DEPDC1B: variants seen among roughly 807,000 people sequenced by gnomAD.
DEPDC1B encodes the protein DEP domain containing 1B, also known as DEP domain-containing protein 1B.
Under a neutral mutation model 66.5 loss-of-function variants are expected in DEPDC1B, and 51 were observed. The observed-to-expected ratio is 0.77, with a 90% CI of 0.61 to 0.97. DEPDC1B has a LOEUF of 0.97. Ranked by LOEUF, DEPDC1B falls within the 50% of genes least tolerant of loss-of-function variation. The pLI, the probability that DEPDC1B is intolerant of heterozygous loss-of-function variation, is 0.00. For synonymous variants in DEPDC1B, 226 were observed against 223.6 expected, an observed-to-expected ratio of 1.01 and a Z score of -0.10; for missense variants, 552 against 637.1, an observed-to-expected ratio of 0.87 and a Z score of 1.44.
chr5:60,675,401 G>C (rs1439188193), intron 2 of DEPDC1B, among the ~76,000 whole-genome samples: 1 of 152,028 alleles, frequency 6.6e-6, no homozygotes, highest in African/African-American at 2.4e-5. Context: ...CCAGCTCCAG[G>C]GACTCCAAAA....
intron 2 of DEPDC1B, among the ~76,000 whole-genome samples, chr5:60,659,636 C>G (rs1753661329): frequency 6.6e-6 from 1 of 152,238 alleles, no homozygotes; most frequent in African/African-American, 2.4e-5. Flanking sequence ...AGTCTCTATT[C>G]AACCAGCCGC....
intron 2 of DEPDC1B, among the ~76,000 whole-genome samples, chr5:60,661,006 T>A (rs1753702452): frequency 6.6e-6 from 1 of 152,248 alleles, no homozygotes; most frequent in Admixed American, 6.5e-5. Context: ...CTGTTTGCAC[T>A]CAGCCAAGCC....
chr5:60,617,407 G>C (rs925640188), intron 7 of DEPDC1B, among the ~76,000 whole-genome samples: 5 of 152,132 alleles, frequency 3.3e-5, no homozygotes, highest in Non-Finnish European at 7.3e-5. Context: ...CACATGCAGA[G>C]ACACACATAG....
rs140019112 is a variant in DEPDC1B at position 60,603,549 on chromosome 5, G to A, written c.1084C>T (p.Arg362Cys). The change falls in exon 9 of 11, where the codon CGT becomes TGT. Residue 362 changes from arginine to cysteine, a missense_variant. Transcript: ENST00000265036. ...TRTLMVQTFS[R>C]CILCSKDEVD... Reference sequence around the variant, plus strand: ...TCATCCTTGGAACACAAGATGCAACGGGAAAATGTCTGAACCATCTAAAAA... The same window carrying A: ...TCATCCTTGGAACACAAGATGCAACAGGAAAATGTCTGAACCATCTAAAAA... 5.8e-5 allele frequency: 93 copies of A among 1,604,150 alleles called. No homozygotes were observed. In the East Asian group the frequency reaches 8.3e-4, roughly 14 times the overall value.
intron 7 of DEPDC1B, among the ~76,000 whole-genome samples, chr5:60,626,343 C>G (rs372415834): frequency 4.6e-5 from 7 of 152,220 alleles, no homozygotes; most frequent in African/African-American, 1.7e-4. Context: ...TCAGTTGTTT[C>G]CACTTTTTGG....
At chr5:60,687,818 A>G in intron 1 of DEPDC1B, 1 of 210,112 alleles carries the variant, frequency 4.8e-6, no homozygotes, top group South Asian at 5.4e-5. Flanking sequence ...GAGCCACTGC[A>G]CCCGGCCTCA....
rs1455489584 is a variant in DEPDC1B, at chr5:60,690,968, T to C, written c.49-3741A>G. 2.0e-5 allele frequency among the ~76,000 whole-genome samples: 3 copies of C among 152,172 alleles called. No homozygotes were observed. In the East Asian group the frequency reaches 5.8e-4, roughly 29 times the overall value. On this transcript the variant is annotated intron_variant, in intron 1 of 10. Transcript: ENST00000265036. ...GAGGGACAGAAGTGGGGTTTGTGTA[T>C]GCATGTACCCCGGATGTGTAGCACA... is the stretch of plus-strand genomic sequence containing the variant.
chr5:60,638,996 A>G, intron 6 of DEPDC1B, 106 bp from the exon 7 acceptor site: 5 of 1,346,322 alleles, frequency 3.7e-6, no homozygotes, highest in Non-Finnish European at 4.0e-6. Flanking sequence ...GATATTTGAC[A>G]TATACAGAAA....
chr5:60,659,979 T>C (rs537239140), intron 2 of DEPDC1B, among the ~76,000 whole-genome samples: 1 of 152,264 alleles, frequency 6.6e-6, no homozygotes, highest in South Asian at 2.1e-4. Flanking sequence ...TTAGAACTGA[T>C]AACCCAGTAC....
intron 6 of DEPDC1B, among the ~76,000 whole-genome samples, chr5:60,639,704 A>G (rs1753143801): frequency 6.6e-6 from 1 of 152,182 alleles, no homozygotes; most frequent in South Asian, 2.1e-4. Flanking sequence ...CAATCCATCC[A>G]CAGACCACAG....
chr5:60,615,663 G>A (rs1035798381), intron 7 of DEPDC1B, among the ~76,000 whole-genome samples: 7 of 152,342 alleles, frequency 4.6e-5, no homozygotes, highest in African/African-American at 1.4e-4. Context: ...ACTGGGTGGA[G>A]CCCACTGCAG....
At chr5:60,688,120 A>C (rs1173121144) in intron 1 of DEPDC1B, among the ~76,000 whole-genome samples, 3 of 152,174 alleles carry the variant, frequency 2.0e-5, no homozygotes, top group Admixed American at 2.0e-4. Flanking sequence ...GGAGGAAAAG[A>C]GATGAAAAAG....
intron 8 of DEPDC1B, 113 bp downstream of exon 8, chr5:60,605,577 G>T: frequency 8.7e-7 from 1 of 1,148,628 alleles, no homozygotes. Flanking sequence ...CACTGACTGT[G>T]GCTCTTTTAA....
intron 5 of DEPDC1B, among the ~76,000 whole-genome samples, chr5:60,644,318 T>C (rs1276970621): frequency 6.6e-6 from 1 of 152,180 alleles, no homozygotes; most frequent in African/African-American, 2.4e-5. Context: ...TTTCAAAAAC[T>C]ACCTTATTAA....
At chr5:60,647,577 GAC>G in intron 2 of DEPDC1B, 44 bp from the exon 3 acceptor site, 1 of 1,584,742 alleles carries the variant, frequency 6.3e-7, no homozygotes, top group Non-Finnish European at 8.5e-7. Flanking sequence ...GTCAGTGGGA[GAC>G]ACAGATATTT....
At chr5:60,620,031 A>C (rs1001698956) in intron 7 of DEPDC1B, among the ~76,000 whole-genome samples, 2 of 152,192 alleles carry the variant, frequency 1.3e-5, no homozygotes, top group Non-Finnish European at 2.9e-5. Flanking sequence ...CAAAAACAAG[A>C]AATGGGGAAA....
chr5:60,615,659 T>C (rs1459479403), intron 7 of DEPDC1B, among the ~76,000 whole-genome samples: 1 of 152,142 alleles, frequency 6.6e-6, no homozygotes, highest in Non-Finnish European at 1.5e-5. Flanking sequence ...TTGAACTGGG[T>C]GGAGCCCACT....
intron 7 of DEPDC1B, among the ~76,000 whole-genome samples, chr5:60,632,766 G>C (rs1043868081): frequency 6.6e-6 from 1 of 152,210 alleles, no homozygotes; most frequent in African/African-American, 2.4e-5. Flanking sequence ...AAGCCAGCCT[G>C]GGGAATGGAG....
intron 2 of DEPDC1B, among the ~76,000 whole-genome samples, chr5:60,685,094 T>C (rs1754382954): frequency 6.6e-6 from 1 of 152,180 alleles, no homozygotes; most frequent in South Asian, 2.1e-4. Context: ...TCTCCTCCTC[T>C]GTTTTCATAA....
Sources: allele counts gnomAD v4.1 joint callset (sites outside exome capture counted in the v4.1 genomes callset), GRCh38; gene constraint gnomAD v4.1.1; transcripts MANE v1.5; gene names NCBI Gene and HGNC (gene_info 2026-07-23, HGNC 2026-07-21).